LDB2: variants seen among roughly 807,000 people sequenced by gnomAD.
LDB2 encodes LIM domain-binding protein 2.
LDB2 carries 12 observed loss-of-function variants against 44.3 expected under a neutral mutation model. The ratio of observed to expected loss-of-function variants is 0.27; its 90% CI spans 0.17 to 0.44. LDB2 has a LOEUF of 0.44. LDB2 is among the 20% of genes least tolerant of loss of function. The pLI is 1.00. For synonymous variants in LDB2, 164 were observed against 174.8 expected, an observed-to-expected ratio of 0.94 and a Z score of 0.49; for missense variants, 344 against 473.5, an observed-to-expected ratio of 0.73 and a Z score of 2.54.
At chr4:16,652,036 G>A (rs2173073) in intron 2 of LDB2, among the ~76,000 whole-genome samples, 137,925 of 152,130 alleles carry the variant, frequency 0.91, 63,015 homozygotes, top group Non-Finnish European at 0.96. Context: ...CTGTAACCTG[G>A]AACCCTTGGA....
intron 4 of LDB2, among the ~76,000 whole-genome samples, chr4:16,588,174 A>G (rs544098572): frequency 1.1e-4 from 17 of 152,234 alleles, no homozygotes; most frequent in African/African-American, 3.4e-4. Context: ...GTGCTCAATA[A>G]ATTTGATGTG....
At chr4:16,599,870 A>G (rs1722086208) in intron 2 of LDB2, among the ~76,000 whole-genome samples, 1 of 152,102 alleles carries the variant, frequency 6.6e-6, no homozygotes, top group Admixed American at 6.6e-5. Context: ...TTTCAAATTG[A>G]TTTTTGAATT....
intron 2 of LDB2, among the ~76,000 whole-genome samples, chr4:16,635,628 T>A (rs997237149): frequency 3.3e-5 from 5 of 152,082 alleles, no homozygotes; most frequent in Non-Finnish European, 7.3e-5. Context: ...TAGCAAACCA[T>A]TACAGAGTTT....
At chr4:16,506,048 C>T in intron 7 of LDB2, 1 of 1,510,714 alleles carries the variant, frequency 6.6e-7, no homozygotes, top group Non-Finnish European at 8.9e-7. Flanking sequence ...ACACACATCG[C>T]TGCCGCAGCA....
chr4:16,616,810 A>G lies in LDB2; in HGVS notation c.236-20935T>C, dbSNP rs529098822. Among the ~76,000 whole-genome samples the G allele has an allele frequency of 3.9e-5, 6 of 152,188 alleles. No individual in the cohort carries two copies. The East Asian group carries it at 9.7e-4, about 25-fold the overall frequency. On this transcript the variant is annotated intron_variant, in intron 2 of 7. Coordinates refer to ENST00000304523, the MANE Select transcript of LDB2 (RefSeq NM_001290.5). ...CTGACACCACCCCATGTCAATATAA[A>G]TGTATTATGTACCTAGGCAGGTCAG...
At chr4:16,573,001 C>T (rs936821043) in intron 5 of LDB2, among the ~76,000 whole-genome samples, 5 of 152,228 alleles carry the variant, frequency 3.3e-5, no homozygotes, top group Non-Finnish European at 7.3e-5. Context: ...CTCTAAAGCA[C>T]TGTCTCTCCT....
At chr4:16,578,228 T>A (rs1053518625) in intron 5 of LDB2, among the ~76,000 whole-genome samples, 10 of 152,134 alleles carry the variant, frequency 6.6e-5, no homozygotes, top group African/African-American at 2.4e-4. Context: ...TTAAAAACTT[T>A]CTGCACAGCA....
chr4:16,856,407 G>A (rs945074450), intron 1 of LDB2, among the ~76,000 whole-genome samples: 44 of 152,234 alleles, frequency 2.9e-4, no homozygotes, highest in Admixed American at 2.6e-3. Flanking sequence ...ATCCTAAAGG[G>A]AATGTAAATC....
At chr4:16,786,466 C>T (rs1774436629) in intron 1 of LDB2, among the ~76,000 whole-genome samples, 1 of 152,204 alleles carries the variant, frequency 6.6e-6, no homozygotes, top group Non-Finnish European at 1.5e-5. Context: ...TGGGATCTCC[C>T]AGTACATCTT....
At position 16,582,221 on chromosome 4, in the gene LDB2, TA is replaced by T. The variant is rs1404420545; in HGVS notation, c.615+3700del. ...CTAGGCAGTGATCACCTTGAGGGCA[TA>T]AACCTGGCACAAAGAAAGTGTGTCA... On this transcript the variant is annotated intron_variant, in intron 5 of 7. Transcript: ENST00000304523. The surrounding 1 kb of genome is among the most constrained non-coding windows in gnomAD (Gnocchi z 4.8). Among the ~76,000 whole-genome samples the T allele has an allele frequency of 1.3e-5, 2 of 152,160 alleles. No individual in the cohort carries two copies. The highest frequency in any genetic ancestry group is 4.8e-5 in the African/African-American group (2 of 41,426).
intron 2 of LDB2, among the ~76,000 whole-genome samples, chr4:16,758,620 G>C (rs1362006471): frequency 6.6e-6 from 1 of 152,142 alleles, no homozygotes; most frequent in Non-Finnish European, 1.5e-5. Flanking sequence ...TCGCCTGAAA[G>C]ACAAGGAACT....
chr4:16,506,783 C>T (rs1231571589), intron 7 of LDB2: 3 of 152,178 alleles, frequency 2.0e-5, no homozygotes, highest in Non-Finnish European at 4.4e-5. Flanking sequence ...TTGCTAGTAC[C>T]TGGCACAGTG....
At chr4:16,720,696 G>A (rs1188722704) in intron 2 of LDB2, among the ~76,000 whole-genome samples, 2 of 152,056 alleles carry the variant, frequency 1.3e-5, no homozygotes, top group Admixed American at 1.3e-4. Flanking sequence ...CCATAAATAA[G>A]CAATATGGAT....
At chr4:16,620,017 T>G (rs1728436852) in intron 2 of LDB2, among the ~76,000 whole-genome samples, 1 of 152,174 alleles carries the variant, frequency 6.6e-6, no homozygotes, top group Admixed American at 6.5e-5. Context: ...TGTAGGAGGA[T>G]CTTGTATAAT....
intron 2 of LDB2, among the ~76,000 whole-genome samples, chr4:16,743,154 G>A (rs1234224647): frequency 6.6e-6 from 1 of 152,120 alleles, no homozygotes; most frequent in East Asian, 1.9e-4. Context: ...GCCAGGCATG[G>A]TGATGCAAGC....
intron 4 of LDB2, among the ~76,000 whole-genome samples, chr4:16,586,283 C>G (rs41268383): frequency 0.31 from 46,343 of 151,900 alleles, 7,212 homozygotes; most frequent in South Asian, 0.36. Context: ...CTTGGAGAGG[C>G]CTTGGCACTC....
intron 2 of LDB2, among the ~76,000 whole-genome samples, chr4:16,693,897 C>T (rs76678586): frequency 0.019 from 2,911 of 152,266 alleles, 39 homozygotes; most frequent in Non-Finnish European, 0.028. Context: ...TCCCTCTCAG[C>T]GAAGGAAAGT....
Position 16,739,573 on chromosome 4 carries a change from G to GA in LDB2, c.235+19584dup, listed in dbSNP as rs577466407. 2.4e-4 allele frequency among the ~76,000 whole-genome samples: 9 copies of GA among 37,712 alleles called. 1 individual carries two copies. Among genetic ancestry groups the GA allele is most frequent in the African/African-American group, 4.7e-4 (4 of 8,430 alleles). The allele number at this position is 37,712 out of a possible 152,430, so 24.7% of individuals were successfully genotyped here. A position where few individuals can be genotyped will look rare whatever the true frequency, so the allele number is the denominator to read the frequency against. ...TGCACTCCAGCCTCGGTGACAGAGG[G>GA]AAAAAAAAAAAAAAAAATATATATA... On this transcript the variant is annotated intron_variant, in intron 2 of 7. Transcript: ENST00000304523.
At chr4:16,607,273 G>C (rs916623771) in intron 2 of LDB2, among the ~76,000 whole-genome samples, 2 of 152,146 alleles carry the variant, frequency 1.3e-5, no homozygotes, top group Non-Finnish European at 2.9e-5. Flanking sequence ...TGAAACCTTT[G>C]CTCATTCAGC....
Sources: gnomAD v4.1 joint callset for allele counts (sites outside exome capture counted in the v4.1 genomes callset) on GRCh38, gnomAD v4.1.1 for gene constraint, Gnocchi (gnomAD v3.1) non-coding constraint, MANE v1.5 for transcripts, NCBI Gene and HGNC (gene_info 2026-07-23, HGNC 2026-07-21) for gene names.